Variants in SMU1 observed in about 807,000 individuals in gnomAD.
SMU1 encodes SMU1 DNA replication regulator and spliceosomal factor, also known as WD40 repeat-containing protein SMU1.
SMU1 carries 2 observed loss-of-function variants against 62.0 expected under a neutral mutation model. The observed-to-expected ratio is 0.03, with a 90% CI of 0.01 to 0.10. The LOEUF is 0.10. Among genes scored for constraint, SMU1 ranks in the 10% least tolerant of loss-of-function variants. The pLI, the probability that SMU1 is intolerant of heterozygous loss-of-function variation, is 1.00. For missense variants in SMU1, 227 were observed against 622.1 expected, an observed-to-expected ratio of 0.36 and a Z score of 6.76; for synonymous variants, 188 against 212.4, an observed-to-expected ratio of 0.89 and a Z score of 1.00.
intron 3 of SMU1, among the ~76,000 whole-genome samples, chr9:33,069,512 A>C (rs1283866573): frequency 6.6e-6 from 1 of 152,234 alleles, no homozygotes; most frequent in Non-Finnish European, 1.5e-5. Context: ...ATTAATAACC[A>C]GAATATGGCT....
Position 33,043,256 on chromosome 9 carries a change from A to G in SMU1, c.*4037T>C, listed in dbSNP as rs1446172205. ...TAAAAGCACAGTGAATGAGAACACTAGCAAGCTATGGCAATTTGAAAAAAT... is the reference window on the plus strand; with the variant it reads ...TAAAAGCACAGTGAATGAGAACACTGGCAAGCTATGGCAATTTGAAAAAAT... On this transcript the variant is annotated 3_prime_UTR_variant, in exon 12 of 12. Transcript: ENST00000397149. 1 of 152,260 alleles carries G rather than the reference A, an allele frequency of 6.6e-6. No individual in the cohort carries two copies. The highest frequency in any genetic ancestry group is 6.5e-5 in the Admixed American group (1 of 15,284). The allele number at this position is 152,260 out of a possible 1,614,324, so 9.4% of individuals were successfully genotyped here. A position where few individuals can be genotyped will look rare whatever the true frequency, so the allele number is the denominator to read the frequency against.
chr9:33,058,152 C>T (rs973673302), intron 6 of SMU1, among the ~76,000 whole-genome samples: 1 of 152,010 alleles, frequency 6.6e-6, no homozygotes, highest in South Asian at 2.1e-4. Context: ...CATTATTGTT[C>T]AAACAGATTA....
intron 4 of SMU1, among the ~76,000 whole-genome samples, chr9:33,068,064 G>C (rs1442923099): frequency 6.6e-6 from 1 of 152,146 alleles, no homozygotes; most frequent in East Asian, 1.9e-4. Flanking sequence ...TGTATAAAGT[G>C]TTTATGAACA....
At chr9:33,062,867 T>A (rs1305221633) in intron 4 of SMU1, among the ~76,000 whole-genome samples, 2 of 152,216 alleles carry the variant, frequency 1.3e-5, no homozygotes, top group East Asian at 3.8e-4. Context: ...GTTAAGGCTC[T>A]TGATATATTT....
intron 9 of SMU1, among the ~76,000 whole-genome samples, chr9:33,053,836 A>G (rs2119427175): frequency 6.6e-6 from 1 of 152,394 alleles, no homozygotes; most frequent in Middle Eastern, 3.4e-3. Flanking sequence ...GCAAAGCCAA[A>G]GTCACAAACT....
intron 4 of SMU1, among the ~76,000 whole-genome samples, chr9:33,063,225 G>A (rs1281379950): frequency 1.3e-5 from 2 of 152,134 alleles, no homozygotes; most frequent in East Asian, 1.9e-4. Flanking sequence ...AGCCAGGCGT[G>A]GTGGTGCATG....
intron 3 of SMU1, among the ~76,000 whole-genome samples, chr9:33,070,235 A>G (rs573233827): frequency 4.5e-4 from 69 of 152,358 alleles, no homozygotes; most frequent in African/African-American, 1.7e-3. Flanking sequence ...CTGAATAGAC[A>G]TTTCTCAAAA....
At chr9:33,073,571 G>T (rs375129089) in intron 2 of SMU1, 25 bp downstream of exon 2, 1 of 1,575,268 alleles carries the variant, frequency 6.3e-7, no homozygotes, top group Non-Finnish European at 8.7e-7. Flanking sequence ...CAACCCATGG[G>T]GATCAGCATC....
intron 5 of SMU1, 34 bp downstream of exon 5, chr9:33,062,015 G>A (rs1430044413): frequency 6.2e-7 from 1 of 1,607,928 alleles, no homozygotes. Context: ...CTCAACAAAT[G>A]ATTACTGACT....
At chr9:33,057,063 C>T in intron 7 of SMU1, 99 bp from the exon 8 acceptor site, 1 of 1,307,806 alleles carries the variant, frequency 7.6e-7, no homozygotes, top group East Asian at 2.3e-5. Flanking sequence ...CACTAATGTA[C>T]TGAAACAGCA....
chr9:33,062,484 C>T (rs1024318275), intron 4 of SMU1, among the ~76,000 whole-genome samples: 3 of 152,150 alleles, frequency 2.0e-5, no homozygotes, highest in African/African-American at 7.2e-5. Context: ...AGTTCTAACA[C>T]TCAAACACAC....
At chr9:33,055,112 C>G (rs1250458677) in intron 9 of SMU1, among the ~76,000 whole-genome samples, 1 of 152,072 alleles carries the variant, frequency 6.6e-6, no homozygotes, top group Admixed American at 6.6e-5. Context: ...GTTTCCAGTT[C>G]GATTTCCAAT....
intron 3 of SMU1, among the ~76,000 whole-genome samples, chr9:33,070,463 G>A (rs1839473504): frequency 6.6e-6 from 1 of 152,180 alleles, no homozygotes; most frequent in Non-Finnish European, 1.5e-5. Context: ...CCACTATGGA[G>A]AATAGTTTGG....
chr9:33,058,861 T>C (rs1839331713), intron 6 of SMU1, among the ~76,000 whole-genome samples: 1 of 152,082 alleles, frequency 6.6e-6, no homozygotes, highest in Admixed American at 6.5e-5. Flanking sequence ...AAGTCAAAAT[T>C]TTAAAGTATT....
At chr9:33,066,505 T>TAAAAAAAAAAAAAAAAA (rs35501819) in intron 4 of SMU1, among the ~76,000 whole-genome samples, 2 of 100,122 alleles carry the variant, frequency 2.0e-5, no homozygotes, top group Admixed American at 1.2e-4. Flanking sequence ...TCCATTTAAT[T>TAAAAAAAAAAAAAAAAA]AAAAAAAAAA....
chr9:33,053,393 A>G, intron 9 of SMU1, 103 bp from the exon 10 acceptor site: 1 of 1,196,482 alleles, frequency 8.4e-7, no homozygotes. Context: ...AATAGAAATG[A>G]TTCAGGGGAA....
At position 33,056,044 on chromosome 9, in the gene SMU1, C is replaced by A; in HGVS notation, c.1122+69G>T. 2.0e-6 allele frequency: 3 copies of A among 1,476,432 alleles called. No individual in the cohort carries two copies. In the South Asian group the frequency reaches 3.9e-5, roughly 19 times the overall value. 91.5% of individuals were successfully genotyped at this position (1,476,432 alleles called of 1,614,324 possible). A position where few individuals can be genotyped will look rare whatever the true frequency, so the allele number is the denominator to read the frequency against. On this transcript the variant is annotated intron_variant, in intron 9 of 11. Transcript: ENST00000397149. ...ACAGCACAATCATTCCCATTATCAC[C>A]ACTGAAAACTCCTCAAAGGACAAAG... is the stretch of plus-strand genomic sequence containing the variant.
At chr9:33,050,843 C>T (rs1378366883) in intron 10 of SMU1, among the ~76,000 whole-genome samples, 1 of 65,366 alleles carries the variant, frequency 1.5e-5, no homozygotes, top group Non-Finnish European at 3.8e-5. Flanking sequence ...AAAATAAGGC[C>T]GGGCGCGGTG....
chr9:33,071,663 T>TAA (rs111931372), intron 3 of SMU1, 77 bp downstream of exon 3: 750 of 1,158,484 alleles, frequency 6.5e-4, no homozygotes, highest in South Asian at 1.2e-3. Flanking sequence ...AATAAAATGG[T>TAA]AAAAAAAAAA....
Sources: gnomAD v4.1 joint callset for allele counts (sites outside exome capture counted in the v4.1 genomes callset) on GRCh38, gnomAD v4.1.1 for gene constraint, MANE v1.5 for transcripts, NCBI Gene and HGNC (gene_info 2026-07-23, HGNC 2026-07-21) for gene names.